The following SPRY3 variants were observed in gnomAD, a reference collection of about 807,000 sequenced individuals.
SPRY3 encodes the protein sprouty RTK signaling antagonist 3, also known as protein sprouty homolog 3.
Under a neutral mutation model 20.2 loss-of-function variants are expected in SPRY3, and 15 were observed. The observed-to-expected ratio is 0.74, with a 90% CI of 0.50 to 1.14. SPRY3 has a LOEUF of 1.14. SPRY3 is among the 50% of genes most tolerant of loss of function. The probability of loss-of-function intolerance (pLI) is 0.00; values close to 1 mark genes in which losing one functional copy is unlikely to be tolerated. For missense variants in SPRY3, 364 were observed against 363.9 expected (o/e 1.00, Z 0.00); for synonymous variants, 143 against 136.5 (o/e 1.05, Z -0.33).
intron 2 of SPRY3, among the ~76,000 whole-genome samples, chrX:155,723,694 G>T (rs2091078053): frequency 6.6e-6 from 1 of 152,112 alleles, no homozygotes; most frequent in Non-Finnish European, 1.5e-5. Flanking sequence ...CCCTTTGTCA[G>T]ATGGGTAGAT....
At position 155,700,403 on chromosome X, in the gene SPRY3, A is replaced by G. The variant is rs1249566296; in HGVS notation, c.-282+43378A>G. Reference sequence around the variant, plus strand: ...TTGGCAGTTCCTCAACAAGTTAGACACAATTACCATATTAGCACACCTGGG... The same window carrying G: ...TTGGCAGTTCCTCAACAAGTTAGACGCAATTACCATATTAGCACACCTGGG... On this transcript the variant is annotated intron_variant, in intron 2 of 3. Transcript: ENST00000675360. Among the ~76,000 whole-genome samples, 17 of 109,618 alleles carry G rather than the reference A, an allele frequency of 1.6e-4. No homozygotes were observed. The Admixed American group carries it at 1.7e-3, about 11-fold the overall frequency.
In SPRY3 at chrX:155,757,723, G is replaced by T. The variant is rs183124284; in HGVS notation, c.-281-10239G>T. Among the ~76,000 whole-genome samples, 273 of 152,206 alleles carry T rather than the reference G, an allele frequency of 1.8e-3. 3 individuals carry two copies. Among genetic ancestry groups the T allele is most frequent in the Middle Eastern group, 6.8e-3 (2 of 294 alleles). On this transcript the variant is annotated intron_variant, in intron 2 of 3. Transcript: ENST00000675360. ...TGAACAAAAAATCTCTGGAGGCAAG[G>T]TTTAGGAGTATGTAGCTTGATAAAG...
intron 1 of SPRY3, among the ~76,000 whole-genome samples, chrX:155,619,437 T>G (rs1227719627): frequency 2.7e-5 from 3 of 111,088 alleles, no homozygotes; most frequent in African/African-American, 9.8e-5. Flanking sequence ...ACTTTAATTT[T>G]TTTATATCAT....
intron 2 of SPRY3, among the ~76,000 whole-genome samples, chrX:155,691,716 C>A (rs1250871482): frequency 2.3e-5 from 2 of 87,502 alleles, no homozygotes; most frequent in Non-Finnish European, 4.3e-5. Context: ...TACAAGCATA[C>A]AACTGCAATA....
intron 1 of SPRY3, among the ~76,000 whole-genome samples, chrX:155,625,068 C>T (rs1490510181): frequency 8.9e-6 from 1 of 111,896 alleles, no homozygotes; most frequent in African/African-American, 3.2e-5. Context: ...CTTTATTCCA[C>T]ATTTCACAGC....
chrX:155,772,043 C>T (rs1245625457), intron 3 of SPRY3, among the ~76,000 whole-genome samples: 1 of 152,036 alleles, frequency 6.6e-6, no homozygotes, highest in Non-Finnish European at 1.5e-5. Flanking sequence ...AGTGATTTGA[C>T]AAAAGTGACA....
intron 2 of SPRY3, among the ~76,000 whole-genome samples, chrX:155,663,632 C>T (rs190712475): frequency 4.5e-5 from 5 of 111,291 alleles, no homozygotes; most frequent in African/African-American, 9.8e-5. Context: ...AAATGTTGTA[C>T]TAGACCACTA....
At chrX:155,769,501 G>C (rs768754527) in intron 3 of SPRY3, among the ~76,000 whole-genome samples, 2 of 151,826 alleles carry the variant, frequency 1.3e-5, no homozygotes, top group African/African-American at 4.8e-5. Context: ...ATTAGGACTA[G>C]ACCTTAAATT....
chrX:155,738,818 C>A (rs1682892146), intron 2 of SPRY3, among the ~76,000 whole-genome samples: 1 of 152,152 alleles, frequency 6.6e-6, no homozygotes, highest in African/African-American at 2.4e-5. Flanking sequence ...CACACAGAGA[C>A]ACAGGAGCTT....
chrX:155,705,114 T>A (rs887895734), intron 2 of SPRY3, among the ~76,000 whole-genome samples: 1 of 151,510 alleles, frequency 6.6e-6, no homozygotes, highest in East Asian at 1.9e-4. Context: ...AGTTAAATTA[T>A]TTTTCTTATT....
intron 2 of SPRY3, among the ~76,000 whole-genome samples, chrX:155,737,994 C>CT (rs956036738): frequency 1.3e-5 from 2 of 151,954 alleles, no homozygotes; most frequent in Admixed American, 1.3e-4. Flanking sequence ...ATGCACTCAC[C>CT]TTTAAAAAAT....
chrX:155,776,903 G>T (rs751545753), downstream of SPRY3: 1 of 167,046 alleles, frequency 6.0e-6, no homozygotes, highest in African/African-American at 2.4e-5. Flanking sequence ...TTCTAGAATT[G>T]CTTTGCTCTA....
chrX:155,707,538 CT>C (rs765017318), intron 2 of SPRY3, among the ~76,000 whole-genome samples: 369 of 151,278 alleles, frequency 2.4e-3, no homozygotes, highest in South Asian at 0.016. Context: ...TCTATTTGTC[CT>C]AGCAATTATT....
chrX:155,712,928 T>G (rs1357674851), intron 2 of SPRY3, among the ~76,000 whole-genome samples: 1 of 152,024 alleles, frequency 6.6e-6, no homozygotes, highest in Non-Finnish European at 1.5e-5. Context: ...TAACTCTGAT[T>G]GCATAAACAA....
At chrX:155,620,623 C>A (rs1297988080) in intron 1 of SPRY3, among the ~76,000 whole-genome samples, 1 of 111,104 alleles carries the variant, frequency 9.0e-6, no homozygotes, top group Non-Finnish European at 1.9e-5. Context: ...TCTAGAAATT[C>A]CAAAATTAAA....
intron 3 of SPRY3, among the ~76,000 whole-genome samples, chrX:155,768,703 T>C (rs2091362926): frequency 6.6e-6 from 1 of 152,154 alleles, no homozygotes; most frequent in East Asian, 1.9e-4. Context: ...TCTGTATCCG[T>C]GCCTGGGTAC....
chrX:155,726,365 G>T (rs951250649), intron 2 of SPRY3, among the ~76,000 whole-genome samples: 3 of 152,046 alleles, frequency 2.0e-5, no homozygotes, highest in Admixed American at 2.0e-4. Flanking sequence ...TTCAAGTCCT[G>T]GATATCCTTG....
chrX:155,647,287 T>G (rs1242085559), intron 1 of SPRY3, among the ~76,000 whole-genome samples: 4 of 109,473 alleles, frequency 3.7e-5, no homozygotes, highest in African/African-American at 1.3e-4. Context: ...TCTTCTTTCT[T>G]TTTTTTTTAC....
chrX:155,767,289 C>A (rs908171343), intron 2 of SPRY3, among the ~76,000 whole-genome samples: 1 of 151,934 alleles, frequency 6.6e-6, no homozygotes, highest in Non-Finnish European at 1.5e-5. Flanking sequence ...CCATCCTCCC[C>A]TATAACCCAT....
Sources: gnomAD v4.1 joint callset for allele counts (sites outside exome capture counted in the v4.1 genomes callset) on GRCh38, gnomAD v4.1.1 for gene constraint, MANE v1.5 for transcripts, NCBI Gene and HGNC (gene_info 2026-07-23, HGNC 2026-07-21) for gene names.